The following FAM110C variants were observed in gnomAD, a reference collection of about 807,000 sequenced individuals.
FAM110C encodes protein FAM110C.
Under a neutral mutation model 15.7 loss-of-function variants are expected in FAM110C, and 19 were observed. The ratio of observed to expected loss-of-function variants is 1.21; its 90% CI spans 0.85 to 1.78. FAM110C has a LOEUF of 1.78. Among genes scored for constraint, FAM110C ranks in the 40% most tolerant of loss-of-function variants. The pLI is 0.00. For synonymous variants in FAM110C, 275 were observed against 233.9 expected, an observed-to-expected ratio of 1.18 and a Z score of -1.61; for missense variants, 547 against 495.7, an observed-to-expected ratio of 1.10 and a Z score of -0.98.
intron 1 of FAM110C, 84 bp from the exon 2 acceptor site, chr2:41,711 GGT>G (rs1180571631): frequency 4.1e-5 from 62 of 1,494,342 alleles, no homozygotes; most frequent in Non-Finnish European, 2.2e-5. Flanking sequence ...ATACTGGTCT[GGT>G]CCCTGTAGTT....
chr2:45,178 T>C (rs1426043535), intron 1 of FAM110C: 1 of 985,436 alleles, frequency 1.0e-6, no homozygotes, highest in Non-Finnish European at 1.2e-6. Flanking sequence ...ATTTGCAGAA[T>C]TGCCTTTCCA....
intron 1 of FAM110C, chr2:45,183 T>C: frequency 1.0e-6 from 1 of 985,440 alleles, no homozygotes; most frequent in Non-Finnish European, 1.2e-6. Context: ...CAGAATTGCC[T>C]TTCCAGGCAG....
At position 45,440 on chromosome 2, in the gene FAM110C, C is replaced by T. The variant is rs1180960798; in HGVS notation, c.946G>A (p.Gly316Arg). The stretch of plus-strand genomic sequence containing the variant: ...CGCCCCCAGCCTTCTGGGCACACAC[C>T]TCGGGTCCGGCTCTGCTCCTGGCTG... Reference protein sequence around the residue: ...TPSQEQSRTRGSKPSR With the variant: ...TPSQEQSRTRRSKPSR Residue 316 changes from glycine (G) to arginine (R), a missense_variant and splice_region_variant, in exon 1 of 2, where the codon GGA (glycine) becomes AGA (arginine). Coordinates refer to ENST00000327669, the MANE Select transcript of FAM110C (RefSeq NM_001077710.3). The T allele has an allele frequency of 1.9e-6, 3 of 1,605,898 alleles. No individual in the cohort carries two copies. The highest frequency in any genetic ancestry group is 2.7e-5 in the African/African-American group (2 of 74,826).
chr2:41,219 A>G lies in FAM110C; in HGVS notation c.*389T>C. ...AGGATGGTCAAAAGGGGCACATACCATAGCATTCATGCTTGGTTTTTATTT... is the reference window on the plus strand; with the variant it reads ...AGGATGGTCAAAAGGGGCACATACCGTAGCATTCATGCTTGGTTTTTATTT... On this transcript the variant is annotated 3_prime_UTR_variant, in exon 2 of 2. Transcript: ENST00000327669. The G allele has an allele frequency of 5.2e-6, 1 of 192,270 alleles. No individual in the cohort carries two copies. The highest frequency in any genetic ancestry group is 1.1e-5 in the Non-Finnish European group (1 of 94,782). The allele number at this position is 192,270 out of a possible 1,614,324, so 11.9% of individuals were successfully genotyped here.
In FAM110C at chr2:45,617, C is replaced by A. The variant is rs200087866; in HGVS notation, c.769G>T (p.Gly257Cys). Residue 257 changes from glycine (G) to cysteine (C), a missense_variant, in exon 1 of 2, where the codon GGC becomes TGC. By Grantham distance (159) the Gly-to-Cys change is radical. Transcript: ENST00000327669. The stretch of plus-strand genomic sequence containing the variant: ...CCGCTGTGCCGGGAGAAGCCGCTGC[C>A]GGAGGTGGCGACGCTCACGCTGCGC... ...KVRSVSVATS[G>C]SGFSRHSGGD... 1 of 1,613,272 alleles carries A rather than the reference C, an allele frequency of 6.2e-7. No homozygotes were observed. Among genetic ancestry groups the A allele is most frequent in the Non-Finnish European group, 8.5e-7 (1 of 1,179,852 alleles).
chr2:45,614 T>C lies in FAM110C; in HGVS notation c.772A>G (p.Ser258Gly). The C allele has an allele frequency of 1.9e-6, 3 of 1,613,338 alleles. No individual in the cohort carries two copies. Among genetic ancestry groups the C allele is most frequent in the East Asian group, 2.2e-5 (1 of 44,868 alleles). The part of the protein sequence containing the change: ...VRSVSVATSG[S>G]GFSRHSGGDD... Reference sequence around the variant, plus strand: ...CCGCCGCTGTGCCGGGAGAAGCCGCTGCCGGAGGTGGCGACGCTCACGCTG... The same window carrying C: ...CCGCCGCTGTGCCGGGAGAAGCCGCCGCCGGAGGTGGCGACGCTCACGCTG... The change falls in exon 1 of 2, where the codon AGC becomes GGC. Residue 258 changes from serine to glycine, a missense_variant. Coordinates refer to ENST00000327669, the MANE Select transcript of FAM110C (RefSeq NM_001077710.3).
chr2:45,947 C>A lies in FAM110C; in HGVS notation c.439G>T (p.Gly147Trp). Residue 147 changes from glycine to tryptophan, a missense_variant, in exon 1 of 2, where the codon GGG becomes TGG. Physicochemically the swap from Gly to Trp is radical, Grantham distance 184 (BLOSUM62 -2). Coordinates refer to ENST00000327669, the MANE Select transcript of FAM110C (RefSeq NM_001077710.3). Reference sequence around the variant, plus strand: ...GTGGTCGGGACCGTCTCCGGGTTCCCGGCCTTGCCCTCGTCTCCCGTCCGG... The same window carrying A: ...GTGGTCGGGACCGTCTCCGGGTTCCAGGCCTTGCCCTCGTCTCCCGTCCGG... ...VPRTGDEGKAGNPETVPTTPG... is the reference protein window; with the variant it reads ...VPRTGDEGKAWNPETVPTTPG... 1 of 1,426,644 alleles carries A rather than the reference C, an allele frequency of 7.0e-7. No homozygotes were observed. The highest frequency in any genetic ancestry group is 9.1e-7 in the Non-Finnish European group (1 of 1,098,822). 88.4% of individuals were successfully genotyped at this position (1,426,644 alleles called of 1,614,324 possible).
intron 1 of FAM110C, chr2:44,621 G>A: frequency 1.0e-6 from 1 of 985,422 alleles, no homozygotes; most frequent in Non-Finnish European, 1.2e-6. Context: ...GACGCCCATA[G>A]GGAAGAGCAG....
chr2:43,585 A>C, intron 1 of FAM110C: 1 of 985,422 alleles, frequency 1.0e-6, no homozygotes, highest in Non-Finnish European at 1.2e-6. Context: ...AGTCAACTAA[A>C]TTCTCATTCA....
chr2:44,428 C>G, intron 1 of FAM110C: 1 of 985,410 alleles, frequency 1.0e-6, no homozygotes, highest in Non-Finnish European at 1.2e-6. Context: ...ACTCTACAGG[C>G]TGCCATGCAT....
intron 1 of FAM110C, chr2:41,878 T>A: frequency 2.0e-6 from 2 of 985,424 alleles, no homozygotes; most frequent in African/African-American, 3.5e-5. Flanking sequence ...GCTTTAAAAA[T>A]TTCTCTTTGC....
intron 1 of FAM110C, chr2:44,602 A>G (rs559514945): frequency 1.4e-5 from 14 of 985,404 alleles, no homozygotes; most frequent in Admixed American, 1.2e-4. Context: ...TCTCTTCACT[A>G]CTTTCCAAGA....
intron 1 of FAM110C, 118 bp from the exon 2 acceptor site, chr2:41,745 C>A: frequency 1.4e-6 from 2 of 1,388,928 alleles, no homozygotes; most frequent in Non-Finnish European, 1.9e-6. Flanking sequence ...ACATTCTCTG[C>A]ATTTTGAAAC....
In FAM110C at chr2:46,323, C is replaced by T; in HGVS notation, c.63G>A (p.Ala21=). 1.5e-6 allele frequency: 2 copies of T among 1,325,900 alleles called. No homozygotes were observed. The highest frequency in any genetic ancestry group is 9.6e-7 in the Non-Finnish European group (1 of 1,045,148). The allele number at this position is 1,325,900 out of a possible 1,614,324, so 82.1% of individuals were successfully genotyped here. Residue 21 remains alanine, a synonymous_variant, in exon 1 of 2, where the codon GCG becomes GCA. Transcript: ENST00000327669. ...PNERLLPRDP[A]ATRDPDAARP... ...GCGCGGCGTCGGGGTCCCGGGTAGCCGCGGGGTCCCGGGGAAGGAGCCGCT... is the reference window on the plus strand; with the variant it reads ...GCGCGGCGTCGGGGTCCCGGGTAGCTGCGGGGTCCCGGGGAAGGAGCCGCT...
At position 46,231 on chromosome 2, in the gene FAM110C, G is replaced by C. The variant is rs1346994447; in HGVS notation, c.155C>G (p.Pro52Arg). 2.1e-6 allele frequency: 3 copies of C among 1,402,518 alleles called. No homozygotes were observed. The highest frequency in any genetic ancestry group is 3.0e-5 in the African/African-American group (2 of 66,338). 86.9% of individuals were successfully genotyped at this position (1,402,518 alleles called of 1,614,324 possible). The change falls in exon 1 of 2, where the codon CCG (proline) becomes CGG (arginine). Residue 52 changes from proline (P) to arginine (R), a missense_variant. Pro to Arg is a moderately radical substitution (Grantham distance 103). Transcript: ENST00000327669. ...GGAAGCGACGCCCCGGCCAGTCCCC[G>C]GCCGACCCCGCACATACTTGGCGCG... Reference protein sequence around the residue: ...ADRAKYVRGRPGTGRGVASEG... With the variant: ...ADRAKYVRGRRGTGRGVASEG...
At chr2:43,623 G>C (rs551576055) in intron 1 of FAM110C, 2 of 985,372 alleles carry the variant, frequency 2.0e-6, no homozygotes, top group African/African-American at 3.5e-5. Flanking sequence ...TGGCTAATTC[G>C]AGATGGGAAC....
At position 46,031 on chromosome 2, in the gene FAM110C, T is replaced by G; in HGVS notation, c.355A>C (p.Arg119=). The G allele has an allele frequency of 6.6e-7, 1 of 1,512,372 alleles. No individual in the cohort carries two copies. Among genetic ancestry groups the G allele is most frequent in the Non-Finnish European group, 8.8e-7 (1 of 1,136,250 alleles). 93.7% of individuals were successfully genotyped at this position (1,512,372 alleles called of 1,614,324 possible). ...AAGAGCTTCTTCACCAGGCTTGCCCTGGGGCCGTCGGCGCCCGATCCTCGC... is the reference window on the plus strand; with the variant it reads ...AAGAGCTTCTTCACCAGGCTTGCCCGGGGGCCGTCGGCGCCCGATCCTCGC... ...FVRGSGADGP[R]ASLVKKLFQG... The change falls in exon 1 of 2, where the codon AGG becomes CGG. Residue 119 remains arginine, a synonymous_variant. Coordinates refer to ENST00000327669, the MANE Select transcript of FAM110C (RefSeq NM_001077710.3).
chr2:41,747 T>C (rs1572060834), intron 1 of FAM110C, 120 bp from the exon 2 acceptor site: 1 of 1,390,288 alleles, frequency 7.2e-7, no homozygotes. Context: ...ATTCTCTGCA[T>C]TTTGAAACAT....
intron 1 of FAM110C, chr2:42,714 T>C (rs951979087): frequency 2.0e-5 from 10 of 510,502 alleles, no homozygotes; most frequent in Non-Finnish European, 2.5e-5. Flanking sequence ...TCTATTATAA[T>C]TGAGACACTT....
Sources: gnomAD v4.1 joint callset for allele counts on GRCh38, gnomAD v4.1.1 for gene constraint, MANE v1.5 for transcripts, NCBI Gene and HGNC (gene_info 2026-07-23, HGNC 2026-07-21) for gene names.